Variants in ROR2 observed in about 807,000 individuals in gnomAD.
The protein encoded by ROR2 is ROR family WNT receptor 2.
Under a neutral mutation model 74.9 loss-of-function variants are expected in ROR2, and 33 were observed. The observed-to-expected ratio is 0.44, with a 90% CI of 0.33 to 0.59. The LOEUF is 0.59. ROR2 is among the 20% of genes least tolerant of loss of function. ROR2 has a pLI of 0.02. For missense variants in ROR2, 1,216 were observed against 1,313.8 expected, an observed-to-expected ratio of 0.93 and a Z score of 1.15; for synonymous variants, 586 against 558.7, an observed-to-expected ratio of 1.05 and a Z score of -0.69.
intron 1 of ROR2, among the ~76,000 whole-genome samples, chr9:91,853,758 C>G (rs966700781): frequency 1.3e-5 from 2 of 152,182 alleles, no homozygotes; most frequent in African/African-American, 4.8e-5. Context: ...GCATGAAGAG[C>G]CGAGTTGGTC....
chr9:91,948,905 C>A (rs974912045), intron 1 of ROR2: 1 of 985,166 alleles, frequency 1.0e-6, no homozygotes, highest in Admixed American at 6.1e-5. Context: ...GAGGTGCTCC[C>A]GGAGTCTGCA....
chr9:91,942,681 G>T (rs1465599299), intron 1 of ROR2, among the ~76,000 whole-genome samples: 1 of 152,014 alleles, frequency 6.6e-6, no homozygotes, highest in African/African-American at 2.4e-5. Flanking sequence ...AGGAACATGA[G>T]ATTAAATCAT....
At chr9:91,739,261 C>T (rs1825137729) in intron 4 of ROR2, among the ~76,000 whole-genome samples, 2 of 152,190 alleles carry the variant, frequency 1.3e-5, no homozygotes, top group African/African-American at 4.8e-5. Flanking sequence ...AATCCCAGCA[C>T]TTTGGGAGGC....
chr9:91,841,828 A>G (rs1828791448), intron 1 of ROR2, among the ~76,000 whole-genome samples: 1 of 152,170 alleles, frequency 6.6e-6, no homozygotes, highest in South Asian at 2.1e-4. Context: ...ACTGTTTCTT[A>G]TATTAATGGC....
chr9:91,870,131 G>C lies in ROR2; in HGVS notation c.97+79736C>G, dbSNP rs146384331. Reference sequence around the variant, plus strand: ...TTTACATATGATCTCTGCCTGCTTTGACACAGGAGCAGAGCTGAAGACCCA... The same window carrying C: ...TTTACATATGATCTCTGCCTGCTTTCACACAGGAGCAGAGCTGAAGACCCA... On this transcript the variant is annotated intron_variant, in intron 1 of 8. Coordinates refer to ENST00000375708, the MANE Select transcript of ROR2 (RefSeq NM_004560.4). Among the ~76,000 whole-genome samples the C allele has an allele frequency of 3.3e-5, 5 of 150,400 alleles. No individual in the cohort carries two copies. The East Asian group carries it at 9.6e-4, about 29-fold the overall frequency.
intron 1 of ROR2, among the ~76,000 whole-genome samples, chr9:91,901,004 G>A (rs1024386473): frequency 7.9e-5 from 12 of 152,110 alleles, no homozygotes; most frequent in Admixed American, 2.0e-4. Context: ...TGTGTACTAC[G>A]AGGAAGCTGC....
In ROR2 at chr9:91,724,261, G is replaced by A. The variant is rs749323904; in HGVS notation, c.2233C>T (p.Arg745Trp). Residue 745 changes from arginine to tryptophan, a missense_variant, in exon 9 of 9, where the codon CGG (arginine) becomes TGG (tryptophan). Transcript: ENST00000375708. Reference protein sequence around the residue: ...RRPRFKDIHSRLRAWGNLSNY... With the variant: ...RRPRFKDIHSWLRAWGNLSNY... The stretch of plus-strand genomic sequence containing the variant: ...GAAAGGTTGCCCCAGGCTCGGAGCC[G>A]GCTGTGGATGTCCTTGAAGCGGGGC... 10 of 1,613,488 alleles carry A rather than the reference G, an allele frequency of 6.2e-6. No individual in the cohort carries two copies. The highest frequency in any genetic ancestry group is 4.5e-5 in the East Asian group (2 of 44,886).
rs140009769 is a variant in ROR2 at position 91,726,611 on chromosome 9, G to A, written c.1316C>T (p.Pro439Leu). 13 of 1,613,788 alleles carry A rather than the reference G, an allele frequency of 8.1e-6. No individual in the cohort carries two copies. The highest frequency in any genetic ancestry group is 6.7e-5 in the African/African-American group (5 of 74,868). The change falls in exon 8 of 9, where the codon CCG (proline) becomes CTG (leucine). Residue 439 changes from proline (P) to leucine (L), a missense_variant. Pro to Leu is a moderately conservative substitution (Grantham distance 98). Transcript: ENST00000375708. Reference sequence around the variant, plus strand: ...CGAGGCCATCAGCTGTCGCCGCTGCGGTGTGGACGCAGATGCCTTCTGCTT... The same window carrying A: ...CGAGGCCATCAGCTGTCGCCGCTGCAGTGTGGACGCAGATGCCTTCTGCTT... Reference protein sequence around the residue: ...RNKQKASASTPQRRQLMASPS... With the variant: ...RNKQKASASTLQRRQLMASPS...
intron 1 of ROR2, among the ~76,000 whole-genome samples, chr9:91,777,056 C>G (rs573602710): frequency 1.3e-4 from 20 of 152,184 alleles, no homozygotes; most frequent in Non-Finnish European, 2.5e-4. Flanking sequence ...CATGTCCAAT[C>G]ACGAGATCTT....
intron 1 of ROR2, among the ~76,000 whole-genome samples, chr9:91,918,312 A>G (rs1370919428): frequency 6.6e-6 from 1 of 151,956 alleles, no homozygotes; most frequent in African/African-American, 2.4e-5. Context: ...CCAGAGGTCA[A>G]GTTCTCCCAC....
intron 1 of ROR2, among the ~76,000 whole-genome samples, chr9:91,814,278 G>C (rs1368572951): frequency 6.6e-6 from 1 of 152,162 alleles, no homozygotes; most frequent in Admixed American, 6.5e-5. Flanking sequence ...TTTGATCGTG[G>C]AAGGCATCCC....
chr9:91,738,060 T>C (rs893918504), intron 4 of ROR2, among the ~76,000 whole-genome samples: 4 of 152,172 alleles, frequency 2.6e-5, no homozygotes, highest in Non-Finnish European at 5.9e-5. Context: ...ATATTCTGTA[T>C]GATACTGTAA....
chr9:91,924,579 G>T (rs1007966748), intron 1 of ROR2, among the ~76,000 whole-genome samples: 4 of 152,284 alleles, frequency 2.6e-5, no homozygotes, highest in Middle Eastern at 3.4e-3. Context: ...GGATCACGAG[G>T]TCAGGAGATC....
At chr9:91,781,981 G>A (rs922495698) in intron 1 of ROR2, among the ~76,000 whole-genome samples, 2 of 152,198 alleles carry the variant, frequency 1.3e-5, no homozygotes, top group East Asian at 3.8e-4. Context: ...CCACTGTCAG[G>A]GGCCAAAGGA....
Position 91,724,042 on chromosome 9 carries a change from A to G in ROR2, c.2452T>C (p.Tyr818His). 6.2e-7 allele frequency: 1 copy of G among 1,611,734 alleles called. No homozygotes were observed. Among genetic ancestry groups the G allele is most frequent in the Non-Finnish European group, 8.5e-7 (1 of 1,179,732 alleles). The stretch of plus-strand genomic sequence containing the variant: ...GGCTGGTAGCCGTTGACGGGGACGT[A>G]GAGCTGCGGCGGGGGCACCATGGGT... ...IRPMVPPPQL[Y>H]VPVNGYQPVP... The change falls in exon 9 of 9, where the codon TAC becomes CAC. Residue 818 changes from tyrosine (Y) to histidine (H), a missense_variant. Tyr to His is a moderately conservative substitution (Grantham distance 83). Coordinates refer to ENST00000375708, the MANE Select transcript of ROR2 (RefSeq NM_004560.4).
At chr9:91,912,784 T>G (rs1303116913) in intron 1 of ROR2, among the ~76,000 whole-genome samples, 1 of 152,234 alleles carries the variant, frequency 6.6e-6, no homozygotes, top group Non-Finnish European at 1.5e-5. Flanking sequence ...ATAGAATAAT[T>G]TCATTTTTAG....
At chr9:91,765,022 T>TTTTTA (rs2118885718) in intron 2 of ROR2, among the ~76,000 whole-genome samples, 1 of 152,348 alleles carries the variant, frequency 6.6e-6, no homozygotes, top group East Asian at 1.9e-4. Context: ...AGTAAATTTA[T>TTTTTA]TTTTATTTTA....
intron 1 of ROR2, among the ~76,000 whole-genome samples, chr9:91,924,836 T>C (rs1216269308): frequency 6.6e-6 from 1 of 151,870 alleles, no homozygotes; most frequent in Admixed American, 6.5e-5. Flanking sequence ...AGAGTTTGCT[T>C]TTTTTGTTTT....
At chr9:91,839,538 ATATG>A (rs1828721834) in intron 1 of ROR2, among the ~76,000 whole-genome samples, 1 of 151,218 alleles carries the variant, frequency 6.6e-6, no homozygotes, top group Non-Finnish European at 1.5e-5. Context: ...GTGGGGAGGT[ATATG>A]AGTGTGGTGT....
Sources: allele counts gnomAD v4.1 joint callset (sites outside exome capture counted in the v4.1 genomes callset), GRCh38; gene constraint gnomAD v4.1.1; transcripts MANE v1.5; gene names NCBI Gene and HGNC (gene_info 2026-07-23, HGNC 2026-07-21).